Variants in UGT3A1 observed in about 807,000 individuals in gnomAD.
UGT3A1 encodes the protein UDP glycosyltransferase family 3 member A1, also known as UDP-glycosyltransferase 3A1.
A neutral mutation model predicts 37.6 loss-of-function variants in UGT3A1; 40 were observed. The observed-to-expected ratio is 1.06, with a 90% CI of 0.83 to 1.38. UGT3A1 has a LOEUF of 1.38. UGT3A1 is among the 40% of genes most tolerant of loss of function. The probability of loss-of-function intolerance (pLI) is 0.00; values close to 1 mark genes in which losing one functional copy is unlikely to be tolerated. For synonymous variants in UGT3A1, 256 were observed against 232.3 expected, an observed-to-expected ratio of 1.10 and a Z score of -0.93; for missense variants, 642 against 634.2, an observed-to-expected ratio of 1.01 and a Z score of -0.13.
chr5:35,978,192 G>T (rs1000115241), intron 2 of UGT3A1, among the ~76,000 whole-genome samples: 5 of 152,016 alleles, frequency 3.3e-5, no homozygotes, highest in African/African-American at 4.8e-5. Flanking sequence ...ACACCTCCAG[G>T]CCTGGCTAAT....
chr5:35,986,772 G>C (rs1740744391), intron 2 of UGT3A1, among the ~76,000 whole-genome samples: 1 of 152,050 alleles, frequency 6.6e-6, no homozygotes, highest in Admixed American at 6.5e-5. Context: ...TCAGTAGGGT[G>C]ACTATAGTTT....
intron 4 of UGT3A1, 138 bp from the exon 5 acceptor site, chr5:35,957,557 C>T (rs1424864792): frequency 1.4e-5 from 10 of 706,768 alleles, no homozygotes; most frequent in Non-Finnish European, 2.2e-5. Flanking sequence ...ATTATTATGG[C>T]TCCTGGCACA....
chr5:35,992,252 A>G, upstream of UGT3A1, among the ~76,000 whole-genome samples: 1 of 152,174 alleles, frequency 6.6e-6, no homozygotes, highest in East Asian at 1.9e-4. Context: ...CATTTTATTT[A>G]AAGCATTACA....
At chr5:35,985,979 GA>G in intron 2 of UGT3A1, among the ~76,000 whole-genome samples, 1 of 152,130 alleles carries the variant, frequency 6.6e-6, no homozygotes, top group East Asian at 1.9e-4. Context: ...TTAATAACCA[GA>G]ATATATAAAC....
intron 2 of UGT3A1, among the ~76,000 whole-genome samples, chr5:35,970,732 A>C (rs1158784116): frequency 6.6e-6 from 1 of 152,218 alleles, no homozygotes; most frequent in South Asian, 2.1e-4. Flanking sequence ...AACAATGCCC[A>C]AAATAGATTA....
intron 2 of UGT3A1, among the ~76,000 whole-genome samples, chr5:35,987,778 G>A (rs534153220): frequency 6.6e-6 from 1 of 152,080 alleles, no homozygotes; most frequent in South Asian, 2.1e-4. Context: ...ACCCAGATTC[G>A]CCCAACTCTG....
intron 4 of UGT3A1, among the ~76,000 whole-genome samples, chr5:35,959,736 C>T (rs1039846864): frequency 1.4e-4 from 22 of 151,910 alleles, no homozygotes; most frequent in Admixed American, 1.4e-3. Flanking sequence ...GAAAGAAAGG[C>T]TATTTGAAGA....
At chr5:35,990,654 C>A (rs1433383791) in intron 1 of UGT3A1, among the ~76,000 whole-genome samples, 1 of 152,048 alleles carries the variant, frequency 6.6e-6, no homozygotes, top group African/African-American at 2.4e-5. Context: ...TACCTGCCTG[C>A]GCCACCCTGG....
At position 35,957,521 on chromosome 5, in the gene UGT3A1, T is replaced by C. The variant is rs975002750; in HGVS notation, c.844-102A>G. On this transcript the variant is annotated intron_variant, in intron 4 of 6. Coordinates refer to ENST00000274278, the MANE Select transcript of UGT3A1 (RefSeq NM_152404.4). ...TTTACTAAACATACCCTCCCATCAGTGCCTTGTCTTCACTCTCCCGAAGCT... is the reference window on the plus strand; with the variant it reads ...TTTACTAAACATACCCTCCCATCAGCGCCTTGTCTTCACTCTCCCGAAGCT... 1.5e-5 allele frequency: 14 copies of C among 913,976 alleles called. No homozygotes were observed. In the South Asian group the frequency reaches 2.3e-4, roughly 15 times the overall value. The allele number at this position is 913,976 out of a possible 1,614,324, so 56.6% of individuals were successfully genotyped here. A position where few individuals can be genotyped will look rare whatever the true frequency, so the allele number is the denominator to read the frequency against.
intron 5 of UGT3A1, 88 bp downstream of exon 5, chr5:35,957,099 GA>G: frequency 9.2e-7 from 1 of 1,082,260 alleles, no homozygotes; most frequent in Non-Finnish European, 1.4e-6. Flanking sequence ...TACGTAGGCT[GA>G]TACAAATGCC....
chr5:35,965,270 G>T, intron 4 of UGT3A1, 116 bp downstream of exon 4: 3 of 1,458,092 alleles, frequency 2.1e-6, no homozygotes, highest in Non-Finnish European at 2.8e-6. Flanking sequence ...TGCCCTAGGT[G>T]CCTCCTTTGC....
upstream of UGT3A1, among the ~76,000 whole-genome samples, chr5:35,992,282 G>T (rs2111565818): frequency 6.6e-6 from 1 of 152,164 alleles, no homozygotes; most frequent in East Asian, 1.9e-4. Flanking sequence ...CCTTCACCTA[G>T]ACATGTTCAT....
At chr5:35,986,010 C>T (rs1740715285) in intron 2 of UGT3A1, among the ~76,000 whole-genome samples, 1 of 151,824 alleles carries the variant, frequency 6.6e-6, no homozygotes, top group South Asian at 2.1e-4. Context: ...AACTTAATAG[C>T]AAATAAATAG....
At chr5:35,994,680 T>C (rs1305055594), upstream of UGT3A1, among the ~76,000 whole-genome samples, 1 of 152,020 alleles carries the variant, frequency 6.6e-6, no homozygotes. Context: ...AGCCGCAACA[T>C]GTGTGGACTG....
intron 4 of UGT3A1, 92 bp from the exon 5 acceptor site, chr5:35,957,511 C>A: frequency 9.8e-7 from 1 of 1,021,986 alleles, no homozygotes; most frequent in South Asian, 1.6e-5. Flanking sequence ...TAAACATACC[C>A]TCCCATCAGT....
chr5:35,986,931 C>T (rs1165487113), intron 2 of UGT3A1, among the ~76,000 whole-genome samples: 1 of 151,906 alleles, frequency 6.6e-6, no homozygotes, highest in Non-Finnish European at 1.5e-5. Context: ...ATCACATGCA[C>T]CCTGAAAATA....
Position 35,965,521 on chromosome 5 carries a change from A to C in UGT3A1, c.708T>G (p.Val236=), listed in dbSNP as rs1212361043. The change falls in exon 4 of 7, where the codon GTT becomes GTG. Residue 236 remains valine, a synonymous_variant. Transcript: ENST00000274278. Reference sequence around the variant, plus strand: ...CTGCTTTCAGTAGAAGATGAGACAAAACTGGCCTAGAGCCTTCTGGGAAAT... The same window carrying C: ...CTGCTTTCAGTAGAAGATGAGACAACACTGGCCTAGAGCCTTCTGGGAAAT... ...KEHFPEGSRP[V]LSHLLLKAEL... 4 of 1,614,254 alleles carry C rather than the reference A, an allele frequency of 2.5e-6. No individual in the cohort carries two copies. Among genetic ancestry groups the C allele is most frequent in the Admixed American group, 1.7e-5 (1 of 60,028 alleles).
chr5:35,966,917 T>C (rs1013469149), intron 3 of UGT3A1, among the ~76,000 whole-genome samples: 5 of 152,230 alleles, frequency 3.3e-5, no homozygotes, highest in African/African-American at 1.2e-4. Flanking sequence ...ATGGTGATTC[T>C]CTGAAATTAT....
At chr5:35,958,773 C>T (rs1050030618) in intron 4 of UGT3A1, among the ~76,000 whole-genome samples, 4 of 152,194 alleles carry the variant, frequency 2.6e-5, no homozygotes, top group Non-Finnish European at 5.9e-5. Flanking sequence ...GGCAAAAGCT[C>T]AATTGTGCAT....
Sources: allele counts gnomAD v4.1 joint callset (sites outside exome capture counted in the v4.1 genomes callset), GRCh38; gene constraint gnomAD v4.1.1; transcripts MANE v1.5; gene names NCBI Gene and HGNC (gene_info 2026-07-23, HGNC 2026-07-21).